The following LGR4 variants were observed in gnomAD, a reference collection of about 807,000 sequenced individuals.
LGR4 encodes the protein leucine rich repeat containing G protein-coupled receptor 4.
LGR4 carries 44 observed loss-of-function variants against 84.8 expected under a neutral mutation model. That is an observed-to-expected ratio of 0.52 (90% CI 0.41 to 0.67). LGR4 has a LOEUF of 0.67. Ranked by LOEUF, LGR4 falls within the 30% of genes least tolerant of loss-of-function variation. The pLI is 0.00. For missense variants in LGR4, 1,032 were observed against 1,131.4 expected (o/e 0.91, Z 1.26); for synonymous variants, 429 against 434.3 (o/e 0.99, Z 0.15).
chr11:27,439,899 CTCTTTTTTTTT>C (rs1864274996), intron 1 of LGR4, among the ~76,000 whole-genome samples: 1 of 139,386 alleles, frequency 7.2e-6, no homozygotes, highest in South Asian at 2.2e-4. Context: ...GGTAGGATTT[CTCTTTTTTTTT>C]TTTTTTTTTT....
intron 1 of LGR4, among the ~76,000 whole-genome samples, chr11:27,453,246 T>G (rs1158186886): frequency 6.6e-6 from 1 of 152,054 alleles, no homozygotes; most frequent in African/African-American, 2.4e-5. Context: ...TTTTTGTACT[T>G]TTAGTAAAGA....
intron 1 of LGR4, among the ~76,000 whole-genome samples, chr11:27,446,290 A>G (rs1864388827): frequency 6.6e-6 from 1 of 152,214 alleles, no homozygotes; most frequent in Non-Finnish European, 1.5e-5. Context: ...TAGTTTAATT[A>G]GATCCCATTT....
intron 1 of LGR4, among the ~76,000 whole-genome samples, chr11:27,413,402 A>G (rs1863747673): frequency 6.6e-6 from 1 of 152,156 alleles, no homozygotes. Context: ...AAGTGCGTAC[A>G]TGATAGGTAT....
chr11:27,430,668 C>T (rs1168011860), intron 1 of LGR4, among the ~76,000 whole-genome samples: 1 of 152,128 alleles, frequency 6.6e-6, no homozygotes, highest in Admixed American at 6.5e-5. Flanking sequence ...CAAGCCATCA[C>T]CATCTCTCCC....
rs869261031 is a variant in LGR4, at chr11:27,435,915, CTTT to C, written c.186-23058_186-23056del. On this transcript the variant is annotated intron_variant, in intron 1 of 17. Transcript: ENST00000379214. ...TTTTACAGAACTGGAAATGGAACTT[CTTT>C]TTTTTTTTTTGAGACGGAGTCTCGC... 6.2e-5 allele frequency among the ~76,000 whole-genome samples: 9 copies of C among 144,834 alleles called. No homozygotes were observed. In the East Asian group the frequency reaches 1.8e-3, roughly 29 times the overall value.
At chr11:27,455,090 C>T (rs1198909485) in intron 1 of LGR4, among the ~76,000 whole-genome samples, 1 of 152,200 alleles carries the variant, frequency 6.6e-6, no homozygotes, top group Non-Finnish European at 1.5e-5. Flanking sequence ...TGCTGGAGTG[C>T]AGTGGCACCA....
At chr11:27,451,355 G>A (rs888731189) in intron 1 of LGR4, among the ~76,000 whole-genome samples, 1 of 152,144 alleles carries the variant, frequency 6.6e-6, no homozygotes, top group Non-Finnish European at 1.5e-5. Flanking sequence ...CAAAGACAGC[G>A]CCAGGCACTG....
At chr11:27,382,504 T>C (rs1187335825) in intron 6 of LGR4, among the ~76,000 whole-genome samples, 1 of 152,236 alleles carries the variant, frequency 6.6e-6, no homozygotes, top group Non-Finnish European at 1.5e-5. Context: ...CAAGTTCAAA[T>C]AATTTTCAGA....
At chr11:27,411,637 A>G (rs1863713503) in intron 2 of LGR4, among the ~76,000 whole-genome samples, 1 of 152,142 alleles carries the variant, frequency 6.6e-6, no homozygotes, top group Non-Finnish European at 1.5e-5. Context: ...CCTTTTTCAA[A>G]GAAATTGAGC....
chr11:27,429,985 C>A, intron 1 of LGR4, among the ~76,000 whole-genome samples: 1 of 152,134 alleles, frequency 6.6e-6, no homozygotes, highest in East Asian at 1.9e-4. Context: ...CAGCTGACCA[C>A]ACCTCAGCAG....
At chr11:27,421,601 G>T (rs1197617465) in intron 1 of LGR4, among the ~76,000 whole-genome samples, 1 of 152,108 alleles carries the variant, frequency 6.6e-6, no homozygotes, top group African/African-American at 2.4e-5. Flanking sequence ...ACAACAAAAG[G>T]TATGTGTGGC....
chr11:27,392,361 CT>C, intron 3 of LGR4, 85 bp downstream of exon 3: 1 of 1,043,516 alleles, frequency 9.6e-7, no homozygotes, highest in Non-Finnish European at 1.4e-6. Context: ...CTAAAAGAAA[CT>C]GTGCTTAACC....
At chr11:27,395,200 A>G (rs1863365653) in intron 2 of LGR4, among the ~76,000 whole-genome samples, 1 of 152,158 alleles carries the variant, frequency 6.6e-6, no homozygotes, top group Non-Finnish European at 1.5e-5. Flanking sequence ...CTGCTCTTCC[A>G]AGTGTTAAAA....
chr11:27,380,890 CT>C lies in LGR4; in HGVS notation c.830+4del. The stretch of plus-strand genomic sequence containing the variant: ...ACATTAAAAGAAACTTTCAAAAATA[CT>C]TACATAGTTCTTAAGAGTGGATTAC... On this transcript the variant is annotated splice_donor_region_variant and intron_variant, in intron 8 of 17. Transcript: ENST00000379214. The C allele has an allele frequency of 6.6e-7, 1 of 1,508,286 alleles. No individual in the cohort carries two copies. Among genetic ancestry groups the C allele is most frequent in the Non-Finnish European group, 9.2e-7 (1 of 1,085,558 alleles). The allele number at this position is 1,508,286 out of a possible 1,614,324, so 93.4% of individuals were successfully genotyped here.
chr11:27,397,311 G>C (rs1057082800), intron 2 of LGR4, among the ~76,000 whole-genome samples: 2 of 152,144 alleles, frequency 1.3e-5, no homozygotes, highest in African/African-American at 4.8e-5. Context: ...GGGTACCTTA[G>C]ACAAAGCTAT....
At chr11:27,434,229 G>C (rs1864167434) in intron 1 of LGR4, among the ~76,000 whole-genome samples, 1 of 152,246 alleles carries the variant, frequency 6.6e-6, no homozygotes, top group African/African-American at 2.4e-5. Flanking sequence ...CCACTGAAAA[G>C]AGAGGCTATT....
chr11:27,441,818 G>A (rs140680755), intron 1 of LGR4, among the ~76,000 whole-genome samples: 6 of 152,274 alleles, frequency 3.9e-5, no homozygotes, highest in African/African-American at 1.4e-4. Context: ...TCCATGTTGG[G>A]TGAATGACAG....
At chr11:27,397,856 C>G (rs906880249) in intron 2 of LGR4, among the ~76,000 whole-genome samples, 1 of 152,172 alleles carries the variant, frequency 6.6e-6, no homozygotes. Context: ...GCAACTCCCA[C>G]TTACTCTGTT....
intron 13 of LGR4, 112 bp from the exon 14 acceptor site, chr11:27,374,158 C>G: frequency 1.4e-6 from 1 of 722,420 alleles, no homozygotes; most frequent in Non-Finnish European, 2.5e-6. Context: ...GATAAGATAA[C>G]AAAGATCTTC....
Sources: allele counts gnomAD v4.1 joint callset (sites outside exome capture counted in the v4.1 genomes callset), GRCh38; gene constraint gnomAD v4.1.1; transcripts MANE v1.5; gene names NCBI Gene and HGNC (gene_info 2026-07-23, HGNC 2026-07-21).